CTNNA3: variants seen among roughly 807,000 people sequenced by gnomAD.
CTNNA3 encodes catenin alpha 3.
A neutral mutation model predicts 95.7 loss-of-function variants in CTNNA3; 76 were observed. The observed-to-expected ratio is 0.79, with a 90% CI of 0.66 to 0.96. The LOEUF is 0.96. CTNNA3 is among the 40% of genes least tolerant of loss of function. The pLI, the probability that CTNNA3 is intolerant of heterozygous loss-of-function variation, is 0.00. For missense variants in CTNNA3, 1,191 were observed against 1,089.8 expected (o/e 1.09, Z -1.31); for synonymous variants, 431 against 374.4 (o/e 1.15, Z -1.74).
At chr10:66,756,130 A>G (rs1226587488) in intron 9 of CTNNA3, among the ~76,000 whole-genome samples, 1 of 152,180 alleles carries the variant, frequency 6.6e-6, no homozygotes, top group Non-Finnish European at 1.5e-5. Flanking sequence ...AGCAACATAG[A>G]TAATTCTCCT....
At chr10:66,520,801 C>T in intron 10 of CTNNA3, 28 bp from the exon 11 acceptor site, 2 of 1,592,196 alleles carry the variant, frequency 1.3e-6, no homozygotes, top group Non-Finnish European at 1.7e-6. Flanking sequence ...GAAAAAATTA[C>T]CTATTGGTTG....
chr10:66,492,522 T>C (rs1574732), intron 11 of CTNNA3, among the ~76,000 whole-genome samples: 10,381 of 151,896 alleles, frequency 0.068, 984 homozygotes, highest in East Asian at 0.45. Flanking sequence ...TTGCTGTTCA[T>C]GCTCATAAAT....
At chr10:67,538,803 T>C (rs1840570244) in intron 4 of CTNNA3, among the ~76,000 whole-genome samples, 1 of 152,102 alleles carries the variant, frequency 6.6e-6, no homozygotes. Flanking sequence ...ATACAACAGA[T>C]ATAAAAAGAG....
chr10:66,320,114 C>T (rs1256559467), intron 12 of CTNNA3, among the ~76,000 whole-genome samples: 3 of 152,152 alleles, frequency 2.0e-5, no homozygotes, highest in East Asian at 3.9e-4. Flanking sequence ...TGCCTAGTCT[C>T]GCACCTGATA....
intron 7 of CTNNA3, among the ~76,000 whole-genome samples, chr10:67,117,262 A>T (rs532588110): frequency 1.2e-3 from 183 of 146,694 alleles, no homozygotes; most frequent in African/African-American, 4.2e-3. Flanking sequence ...TCCAATATTT[A>T]AAAAAAAAAA....
At chr10:66,479,492 A>C (rs1311002929) in intron 11 of CTNNA3, among the ~76,000 whole-genome samples, 1 of 152,034 alleles carries the variant, frequency 6.6e-6, no homozygotes, top group East Asian at 1.9e-4. Flanking sequence ...AAATTTTTGG[A>C]AATGTGACAT....
intron 11 of CTNNA3, among the ~76,000 whole-genome samples, chr10:66,429,045 G>C (rs1302966150): frequency 1.3e-5 from 2 of 151,898 alleles, no homozygotes; most frequent in Admixed American, 6.6e-5. Context: ...GAATCAAATA[G>C]ATGCAATAAA....
intron 3 of CTNNA3, among the ~76,000 whole-genome samples, chr10:67,566,039 G>GTATATATATATATATATATATA (rs1437054675): frequency 1.5e-4 from 3 of 19,880 alleles, no homozygotes; most frequent in African/African-American, 6.0e-4. Flanking sequence ...ACATATGTGT[G>GTATATATATATATATATATATA]TGTGTATATA....
intron 11 of CTNNA3, among the ~76,000 whole-genome samples, chr10:66,502,884 CAGA>C (rs1840326344): frequency 6.6e-6 from 1 of 152,052 alleles, no homozygotes; most frequent in Admixed American, 6.6e-5. Flanking sequence ...TTTACATTCC[CAGA>C]AGTATTGTAT....
intron 10 of CTNNA3, among the ~76,000 whole-genome samples, chr10:66,575,129 C>T (rs1342802851): frequency 6.6e-6 from 1 of 152,028 alleles, no homozygotes; most frequent in Non-Finnish European, 1.5e-5. Context: ...ACCCATGCAC[C>T]GTCCTAGCCA....
rs536847681 is a variant in CTNNA3, at chr10:67,213,881, T to C, written c.843+5726A>G. ...TCGAAAAGAATGTGTTACAACCTCC[T>C]GGTGAATTTATCCTATCAGTAGATA... is the stretch of plus-strand genomic sequence containing the variant. On this transcript the variant is annotated intron_variant, in intron 6 of 17. Transcript: ENST00000433211. 1.1e-4 allele frequency among the ~76,000 whole-genome samples: 17 copies of C among 151,922 alleles called. No individual in the cohort carries two copies. In the South Asian group the frequency reaches 3.5e-3, roughly 31 times the overall value.
chr10:66,377,713 A>G (rs1000225035), intron 12 of CTNNA3, among the ~76,000 whole-genome samples: 5 of 151,562 alleles, frequency 3.3e-5, no homozygotes, highest in Non-Finnish European at 7.4e-5. Flanking sequence ...AGAAGGTAGA[A>G]AAAAATCAGG....
intron 15 of CTNNA3, among the ~76,000 whole-genome samples, chr10:65,991,967 G>T (rs189665755): frequency 6.6e-6 from 1 of 152,088 alleles, no homozygotes; most frequent in South Asian, 2.1e-4. Context: ...AAAAGATCTT[G>T]AATTTTATCA....
At chr10:67,635,816 A>G (rs1191088340) in intron 2 of CTNNA3, among the ~76,000 whole-genome samples, 1 of 152,116 alleles carries the variant, frequency 6.6e-6, no homozygotes, top group Non-Finnish European at 1.5e-5. Context: ...TCTGGCCAGG[A>G]CAATAAGGCC....
At chr10:66,881,328 T>TA (rs1263847333) in intron 7 of CTNNA3, among the ~76,000 whole-genome samples, 2 of 152,096 alleles carry the variant, frequency 1.3e-5, no homozygotes, top group Admixed American at 6.6e-5. Flanking sequence ...ATACAATCTA[T>TA]AAAGTCTATG....
At chr10:66,913,062 AC>A (rs1168819781) in intron 7 of CTNNA3, among the ~76,000 whole-genome samples, 1 of 151,290 alleles carries the variant, frequency 6.6e-6, no homozygotes, top group African/African-American at 2.4e-5. Flanking sequence ...ACACGGTGAA[AC>A]CCCGTCTCTA....
At chr10:67,441,592 G>A (rs190518826) in intron 5 of CTNNA3, among the ~76,000 whole-genome samples, 330 of 152,202 alleles carry the variant, frequency 2.2e-3, no homozygotes, top group African/African-American at 5.5e-3. Context: ...ATACAATGGA[G>A]CTCCAATACA....
chr10:66,578,780 CTTTCTT>C (rs1843086484), intron 10 of CTNNA3, among the ~76,000 whole-genome samples: 1 of 80,394 alleles, frequency 1.2e-5, no homozygotes, highest in South Asian at 3.6e-4. Context: ...TGATATTTTT[CTTTCTT>C]TTTTTTTTTT....
chr10:67,584,341 C>G lies in CTNNA3; in HGVS notation c.292+22516G>C, dbSNP rs538837903. On this transcript the variant is annotated intron_variant, in intron 3 of 17. Coordinates refer to ENST00000433211, the MANE Select transcript of CTNNA3 (RefSeq NM_013266.4). ...ACTTTGCTGGAGGTCCACTCCAGAC[C>G]CTGTTTGCCTGAGTATCAACAGTGG... Among the ~76,000 whole-genome samples the G allele has an allele frequency of 4.6e-5, 7 of 152,228 alleles. No homozygotes were observed. The South Asian group carries it at 1.5e-3, about 32-fold the overall frequency.
Sources: allele counts gnomAD v4.1 joint callset (sites outside exome capture counted in the v4.1 genomes callset), GRCh38; gene constraint gnomAD v4.1.1; transcripts MANE v1.5; gene names NCBI Gene and HGNC (gene_info 2026-07-23, HGNC 2026-07-21).